The following NHSL2 variants were observed in gnomAD, a reference collection of about 807,000 sequenced individuals.
NHSL2 encodes the protein NHS like 2, also known as NHS-like protein 2.
A neutral mutation model predicts 53.4 loss-of-function variants in NHSL2; 27 were observed. The observed-to-expected ratio is 0.51, with a 90% CI of 0.37 to 0.70. The LOEUF (loss-of-function observed/expected upper bound fraction) is 0.70, where lower values mean the gene tolerates loss of function less well. Ranked by LOEUF, NHSL2 falls within the 30% of genes least tolerant of loss-of-function variation. The pLI is 0.00. For synonymous variants in NHSL2, 408 were observed against 404.1 expected (o/e 1.01, Z -0.12); for missense variants, 892 against 980.1 (o/e 0.91, Z 1.20).
In NHSL2 at chrX:72,139,575, T is replaced by C. The variant is rs144382511; in HGVS notation, c.2027T>C (p.Leu676Pro). ...CAAGTTCAGGGCAGCTCAGAGTCTCTTGCCTCACCTTCCACCTCCAGAGCC... is the reference window on the plus strand; with the variant it reads ...CAAGTTCAGGGCAGCTCAGAGTCTCCTGCCTCACCTTCCACCTCCAGAGCC... ...CTQVQGSSES[L>P]ASPSTSRATT... The change falls in exon 6 of 8, where the codon CTT becomes CCT. Residue 676 changes from leucine (L) to proline (P), a missense_variant. By Grantham distance (98) the Leu-to-Pro change is moderately conservative. Coordinates refer to ENST00000633930, the MANE Select transcript of NHSL2 (RefSeq NM_001013627.3). 2 of 1,208,714 alleles carry C rather than the reference T, an allele frequency of 1.7e-6. No individual in the cohort carries two copies. The highest frequency in any genetic ancestry group is 3.5e-5 in the African/African-American group (2 of 56,973).
chrX:72,026,722 C>T, intron 1 of NHSL2, among the ~76,000 whole-genome samples: 1 of 112,493 alleles, frequency 8.9e-6, no homozygotes, highest in Non-Finnish European at 1.9e-5. Flanking sequence ...GTTGTTAACA[C>T]CTTGTAAGAA....
intron 1 of NHSL2, among the ~76,000 whole-genome samples, chrX:72,086,251 CT>C (rs1291407836): frequency 6.2e-5 from 7 of 112,416 alleles, no homozygotes; most frequent in African/African-American, 2.3e-4. Flanking sequence ...AATTTCCTTT[CT>C]CTTTGGATCT....
chrX:72,135,394 T>A (rs1026200564), intron 4 of NHSL2, among the ~76,000 whole-genome samples: 2 of 111,476 alleles, frequency 1.8e-5, no homozygotes, highest in Non-Finnish European at 3.8e-5. Flanking sequence ...TAATCCATGA[T>A]CTACACTCCA....
chrX:72,137,130 C>T lies in NHSL2; in HGVS notation c.797C>T (p.Ser266Leu). 5.1e-6 allele frequency: 6 copies of T among 1,165,099 alleles called. No individual in the cohort carries two copies. The African/African-American group carries it at 8.9e-5, about 17-fold the overall frequency. Residue 266 changes from serine (S) to leucine (L), a missense_variant, in exon 5 of 8, where the codon TCG (serine) becomes TTG (leucine). Ser to Leu is a moderately radical substitution (Grantham distance 145). Transcript: ENST00000633930. ...GATAAACATGCAAGTTTGCGACACT[C>T]GTTGTTTAACACAGAGACAGCCGTG... ...QFDKHASLRH[S>L]LFNTETAVNP...
In NHSL2 at chrX:71,964,005, A is replaced by G. The variant is rs865791319; in HGVS notation, c.280+52638A>G. On this transcript the variant is annotated intron_variant, in intron 1 of 7. Transcript: ENST00000633930. ...TATATATATATATGTATATACATAT[A>G]TATATGTATATATATATATGTGTAT... 9.3e-3 allele frequency among the ~76,000 whole-genome samples: 44 copies of G among 4,735 alleles called. 1 individual carries two copies. The highest frequency in any genetic ancestry group is 0.038 in the South Asian group (1 of 26). The allele number at this position is 4,735 out of a possible 115,157, so 4.1% of individuals were successfully genotyped here. A position where few individuals can be genotyped will look rare whatever the true frequency, so the allele number is the denominator to read the frequency against.
chrX:72,015,490 A>C (rs1481413791), intron 1 of NHSL2, among the ~76,000 whole-genome samples: 1 of 112,271 alleles, frequency 8.9e-6, no homozygotes, highest in African/African-American at 3.2e-5. Flanking sequence ...ATTTGTGTAC[A>C]CGTGCAGGAG....
At chrX:71,929,721 G>C (rs2041703196) in intron 1 of NHSL2, among the ~76,000 whole-genome samples, 1 of 111,139 alleles carries the variant, frequency 9.0e-6, no homozygotes. Flanking sequence ...TCACTGAGTA[G>C]TTCTGGCTCT....
chrX:72,093,657 A>G (rs924009747), intron 1 of NHSL2, among the ~76,000 whole-genome samples: 3 of 112,359 alleles, frequency 2.7e-5, no homozygotes, highest in Non-Finnish European at 5.6e-5. Context: ...CAATGGAGCA[A>G]TGAACATCCT....
intron 1 of NHSL2, among the ~76,000 whole-genome samples, chrX:72,004,133 T>A (rs1409851496): frequency 8.9e-6 from 1 of 112,129 alleles, no homozygotes; most frequent in Non-Finnish European, 1.9e-5. Context: ...CTGGCAGCAG[T>A]GAGAAGCAGT....
At chrX:71,974,554 C>T (rs867743738) in intron 1 of NHSL2, among the ~76,000 whole-genome samples, 8 of 111,941 alleles carry the variant, frequency 7.1e-5, no homozygotes, top group South Asian at 7.6e-4. Context: ...TGCTGTTGCT[C>T]CAGCTATGGT....
At chrX:71,990,857 GC>G (rs749143888) in intron 1 of NHSL2, among the ~76,000 whole-genome samples, 2 of 112,300 alleles carry the variant, frequency 1.8e-5, no homozygotes, top group South Asian at 7.4e-4. Context: ...CTATTTCCAA[GC>G]TCTGTTCTTG....
chrX:71,913,945 G>C (rs763806234), intron 1 of NHSL2, among the ~76,000 whole-genome samples: 1 of 112,858 alleles, frequency 8.9e-6, no homozygotes, highest in African/African-American at 3.2e-5. Context: ...CATCTTCAAG[G>C]TTACAGGGGT....
At chrX:72,008,249 A>G (rs1366881480) in intron 1 of NHSL2, among the ~76,000 whole-genome samples, 1 of 112,687 alleles carries the variant, frequency 8.9e-6, no homozygotes, top group Non-Finnish European at 1.9e-5. Flanking sequence ...CCACGTCCCT[A>G]TCTGCTCAGT....
At chrX:71,991,818 T>TTC (rs59851052) in intron 1 of NHSL2, among the ~76,000 whole-genome samples, 7,337 of 99,761 alleles carry the variant, frequency 0.074, 286 homozygotes, top group African/African-American at 0.14. Flanking sequence ...GTCTTTCTCT[T>TTC]TCTCTCTCTC....
At chrX:72,088,945 C>T (rs1409996284) in intron 1 of NHSL2, among the ~76,000 whole-genome samples, 1 of 111,860 alleles carries the variant, frequency 8.9e-6, no homozygotes, top group Non-Finnish European at 1.9e-5. Flanking sequence ...TTCGGATGGC[C>T]GATTGTCCTG....
Position 72,139,659 on chromosome X carries a change from G to T in NHSL2, c.2111G>T (p.Arg704Met). 4.1e-6 allele frequency: 5 copies of T among 1,211,143 alleles called. No individual in the cohort carries two copies. Among genetic ancestry groups the T allele is most frequent in the South Asian group, 1.8e-5 (1 of 56,917 alleles). The change falls in exon 6 of 8, where the codon AGG (arginine) becomes ATG (methionine). Residue 704 changes from arginine (R) to methionine (M), a missense_variant. Transcript: ENST00000633930. ...VEAREISSPG[R>M]PPGLMSPSSG... ...GCCAGGGAGATATCATCCCCGGGAA[G>T]GCCCCCTGGACTGATGTCACCCTCC...
chrX:71,962,516 A>G (rs953200151), intron 1 of NHSL2, among the ~76,000 whole-genome samples: 2 of 109,688 alleles, frequency 1.8e-5, no homozygotes, highest in African/African-American at 6.7e-5. Context: ...CAGATTTTCT[A>G]TATCTTGAGT....
intron 1 of NHSL2, chrX:72,080,178 G>A (rs1323236661): frequency 8.9e-6 from 1 of 112,201 alleles, no homozygotes; most frequent in Admixed American, 9.4e-5. Flanking sequence ...TGTGGGCTCA[G>A]CACACACTTT....
chrX:72,025,126 T>A (rs761619376), intron 1 of NHSL2, among the ~76,000 whole-genome samples: 28 of 112,367 alleles, frequency 2.5e-4, no homozygotes, highest in Admixed American at 2.3e-3. Flanking sequence ...ATTTCCCTGA[T>A]TTGACCATTC....
Sources: gnomAD v4.1 joint callset for allele counts (sites outside exome capture counted in the v4.1 genomes callset) on GRCh38, gnomAD v4.1.1 for gene constraint, MANE v1.5 for transcripts, NCBI Gene and HGNC (gene_info 2026-07-23, HGNC 2026-07-21) for gene names.